Variants in WDR75 observed in about 807,000 individuals in gnomAD.
The protein encoded by WDR75 is WD repeat-containing protein 75.
WDR75 carries 52 observed loss-of-function variants against 106.1 expected under a neutral mutation model. That is an observed-to-expected ratio of 0.49 (90% CI 0.39 to 0.62). The LOEUF is 0.62. Ranked by LOEUF, WDR75 falls within the 20% of genes least tolerant of loss-of-function variation. WDR75 has a pLI of 0.00. For synonymous variants in WDR75, 333 were observed against 335.5 expected, an observed-to-expected ratio of 0.99 and a Z score of 0.08; for missense variants, 905 against 970.3, an observed-to-expected ratio of 0.93 and a Z score of 0.89.
At chr2:189,448,626 A>T in intron 2 of WDR75, 118 bp downstream of exon 2, 1 of 1,342,174 alleles carries the variant, frequency 7.5e-7, no homozygotes, top group Non-Finnish European at 1.0e-6. Context: ...GCTTATTTTC[A>T]GTTGTAGGGT....
At chr2:189,465,034 T>C in intron 11 of WDR75, 45 bp from the exon 12 acceptor site, 1 of 1,355,656 alleles carries the variant, frequency 7.4e-7, no homozygotes, top group Middle Eastern at 1.9e-4. Flanking sequence ...TTTGTGTATT[T>C]ATGTTAATAA....
chr2:189,441,631 A>G, intron 1 of WDR75, 53 bp downstream of exon 1: 1 of 1,535,014 alleles, frequency 6.5e-7, no homozygotes, highest in Middle Eastern at 1.7e-4. Flanking sequence ...GAGTTTCTCG[A>G]GGGTCGGGGA....
Position 189,475,494 on chromosome 2 carries a change from GTTATTT to G in WDR75, c.*78_*83del. The G allele has an allele frequency of 1.2e-6, 1 of 860,006 alleles. No homozygotes were observed. The highest frequency in any genetic ancestry group is 1.7e-6 in the Non-Finnish European group (1 of 584,206). 53.3% of individuals were successfully genotyped at this position (860,006 alleles called of 1,614,324 possible). On this transcript the variant is annotated 3_prime_UTR_variant, in exon 21 of 21. Coordinates refer to ENST00000314761, the MANE Select transcript of WDR75 (RefSeq NM_032168.3). The stretch of plus-strand genomic sequence containing the variant: ...ATATTCTAAAAACATCTATTTTAAT[GTTATTT>G]CTGTTCTAAAAATAAGATAATAAAT...
intron 14 of WDR75, among the ~76,000 whole-genome samples, 158 bp downstream of exon 14, chr2:189,467,806 A>G (rs1489074918): frequency 6.6e-6 from 1 of 152,218 alleles, no homozygotes; most frequent in Non-Finnish European, 1.5e-5. Flanking sequence ...TTCTGAGTCC[A>G]CAAACTGTGC....
intron 8 of WDR75, among the ~76,000 whole-genome samples, chr2:189,459,919 CTT>C (rs949468338): frequency 1.3e-5 from 2 of 152,142 alleles, no homozygotes; most frequent in African/African-American, 2.4e-5. Context: ...TTTTAGAGCT[CTT>C]GTTTTTAACT....
rs1686504863 is a variant in WDR75, at chr2:189,446,624, A to G, written c.87-1755A>G. ...AATAAAATAGGATAGTAGTGGTCCC[A>G]GTTTGCAACAAATTTAGTGTGTTGT... On this transcript the variant is annotated intron_variant, in intron 1 of 20. Coordinates refer to ENST00000314761, the MANE Select transcript of WDR75 (RefSeq NM_032168.3). Among the ~76,000 whole-genome samples, 2 of 152,220 alleles carry G rather than the reference A, an allele frequency of 1.3e-5. 1 individual carries two copies. The highest frequency in any genetic ancestry group is 4.1e-4 in the South Asian group (2 of 4,832).
chr2:189,450,275 G>T (rs4667281), intron 2 of WDR75: 651,611 of 985,292 alleles, frequency 0.66, 219,992 homozygotes, highest in East Asian at 0.69. Flanking sequence ...AAGGTAAAAG[G>T]AGTTTGGCTA....
chr2:189,454,491 T>C (rs1686692138), intron 4 of WDR75, among the ~76,000 whole-genome samples: 12 of 152,052 alleles, frequency 7.9e-5, no homozygotes, highest in Admixed American at 7.9e-4. Context: ...GAATGTAAAA[T>C]GCACCAGTAA....
chr2:189,448,266 T>G (rs1686541207), intron 1 of WDR75, 113 bp from the exon 2 acceptor site: 1 of 1,227,316 alleles, frequency 8.1e-7, no homozygotes, highest in East Asian at 2.7e-5. Context: ...GGCGTATCAC[T>G]TGAGGCCAGG....
At position 189,451,775 on chromosome 2, in the gene WDR75, G is replaced by A. The variant is rs770375500; in HGVS notation, c.283-30G>A. On this transcript the variant is annotated intron_variant, in intron 3 of 20. Transcript: ENST00000314761. ...TATGTTCCACTGGAGGGAACAGACA[G>A]TAAACACTATGGTGCTCTTTATCTT... 6 of 1,589,364 alleles carry A rather than the reference G, an allele frequency of 3.8e-6. No individual in the cohort carries two copies. In the South Asian group the frequency reaches 6.7e-5, roughly 18 times the overall value.
In WDR75 at chr2:189,451,795, T is replaced by A. The variant is rs1225443332; in HGVS notation, c.283-10T>A. On this transcript the variant is annotated splice_polypyrimidine_tract_variant and intron_variant, in intron 3 of 20. Transcript: ENST00000314761. ...AGACAGTAAACACTATGGTGCTCTT[T>A]ATCTTTCAGACTTTCATAGTTGGAT... 6.2e-7 allele frequency: 1 copy of A among 1,610,638 alleles called. No homozygotes were observed. The highest frequency in any genetic ancestry group is 1.7e-5 in the Admixed American group (1 of 59,972).
chr2:189,466,597 A>G lies in WDR75; in HGVS notation c.1447+15A>G. On this transcript the variant is annotated intron_variant, in intron 13 of 20. Transcript: ENST00000314761. ...TGACATATACAGTAAGTTATTAAAT[A>G]TGTTATGTTTAAAGTGTGCACAATT... 1 of 1,596,138 alleles carries G rather than the reference A, an allele frequency of 6.3e-7. No individual in the cohort carries two copies. Among genetic ancestry groups the G allele is most frequent in the Non-Finnish European group, 8.5e-7 (1 of 1,170,770 alleles).
intron 18 of WDR75, 84 bp from the exon 19 acceptor site, chr2:189,474,102 A>G (rs774551661): frequency 1.4e-6 from 2 of 1,380,036 alleles, no homozygotes; most frequent in Admixed American, 2.3e-5. Context: ...CAGACTTTTT[A>G]TGATTCTGTA....
intron 6 of WDR75, among the ~76,000 whole-genome samples, 173 bp downstream of exon 6, chr2:189,457,554 A>G (rs573983548): frequency 7.2e-5 from 11 of 152,286 alleles, no homozygotes; most frequent in African/African-American, 2.4e-4. Context: ...TTTTAAGCAT[A>G]CTATTAGTCA....
chr2:189,455,384 G>C lies in WDR75; in HGVS notation c.438G>C (p.Glu146Asp). ...KSSSQEVEAK[E>D]LSFVLDYINQ... ...CAAGCCAGGAAGTAGAAGCCAAGGA[G>C]CTGTCCTTTGTTTTGGATTACATAA... The change falls in exon 5 of 21, where the codon GAG (glutamate) becomes GAC (aspartate). Residue 146 changes from glutamate (E) to aspartate (D), a missense_variant. Transcript: ENST00000314761. The C allele has an allele frequency of 6.2e-7, 1 of 1,614,152 alleles. No individual in the cohort carries two copies. The highest frequency in any genetic ancestry group is 1.3e-5 in the African/African-American group (1 of 75,066).
Position 189,457,252 on chromosome 2 carries a change from GA to G in WDR75, c.499-49del, listed in dbSNP as rs138257723. On this transcript the variant is annotated intron_variant, in intron 5 of 20. Coordinates refer to ENST00000314761, the MANE Select transcript of WDR75 (RefSeq NM_032168.3). ...GCGAGACTTTGTCTCAAAAAAAAAA[GA>G]AAAAAAAAAGAGTGTTGACTATTTT... The G allele has an allele frequency of 1.5e-3, 1,575 of 1,046,464 alleles. 5 individuals are homozygous for G. The highest frequency in any genetic ancestry group is 4.4e-3 in the African/African-American group (261 of 59,436). The allele number at this position is 1,046,464 out of a possible 1,614,324, so 64.8% of individuals were successfully genotyped here. A position where few individuals can be genotyped will look rare whatever the true frequency, so the allele number is the denominator to read the frequency against.
intron 12 of WDR75, 69 bp downstream of exon 12, chr2:189,465,323 A>C (rs78713882): frequency 2.4e-5 from 35 of 1,451,456 alleles, no homozygotes; most frequent in Non-Finnish European, 3.0e-5. Flanking sequence ...TACAGTTTCA[A>C]TTGTCTTTAA....
At position 189,469,460 on chromosome 2, in the gene WDR75, G is replaced by T. The variant is rs1687073397; in HGVS notation, c.1819+21G>T. On this transcript the variant is annotated intron_variant, in intron 16 of 20. Transcript: ENST00000314761. ...AGACTGTAAGTACAAACCACACTTT[G>T]TAGTAAGAGAACATCTATGACCTAA... 1.9e-6 allele frequency: 3 copies of T among 1,570,194 alleles called. No individual in the cohort carries two copies. In the African/African-American group the frequency reaches 4.1e-5, roughly 21 times the overall value.
rs1687049829 is a variant in WDR75, at chr2:189,468,457, C to T, written c.1629-18C>T. On this transcript the variant is annotated intron_variant, in intron 14 of 20. Coordinates refer to ENST00000314761, the MANE Select transcript of WDR75 (RefSeq NM_032168.3). ...GCTAGAACTGACTGTTGCTAACTTC[C>T]TTGTGGTTTTAATCTAGGCACCTTT... 30 of 1,612,074 alleles carry T rather than the reference C, an allele frequency of 1.9e-5. No homozygotes were observed. In the East Asian group the frequency reaches 6.5e-4, roughly 35 times the overall value.
Sources: allele counts gnomAD v4.1 joint callset (sites outside exome capture counted in the v4.1 genomes callset), GRCh38; gene constraint gnomAD v4.1.1; transcripts MANE v1.5; gene names NCBI Gene and HGNC (gene_info 2026-07-23, HGNC 2026-07-21).